The following PCDH15 variants were observed in gnomAD, a reference collection of about 807,000 sequenced individuals.
PCDH15 encodes the protein protocadherin related 15, also known as protocadherin-15.
A neutral mutation model predicts 178.5 loss-of-function variants in PCDH15; 129 were observed. The observed-to-expected ratio is 0.72, with a 90% CI of 0.63 to 0.84. The LOEUF is 0.84. Ranked by LOEUF, PCDH15 falls within the 40% of genes least tolerant of loss-of-function variation. PCDH15 has a pLI of 0.00. For synonymous variants in PCDH15, 800 were observed against 732.0 expected (o/e 1.09, Z -1.50); for missense variants, 2,230 against 2,099.9 (o/e 1.06, Z -1.21).
At chr10:54,160,812 T>C (rs1188509285) in intron 13 of PCDH15, among the ~76,000 whole-genome samples, 1 of 152,164 alleles carries the variant, frequency 6.6e-6, no homozygotes, top group Non-Finnish European at 1.5e-5. Context: ...GTATCTCAAA[T>C]TAATTTGTCA....
intron 23 of PCDH15, among the ~76,000 whole-genome samples, chr10:53,957,655 A>G (rs2087762522): frequency 6.6e-6 from 1 of 152,054 alleles, no homozygotes; most frequent in African/African-American, 2.4e-5. Context: ...TACAATTTAA[A>G]ACTTACGAAT....
chr10:55,185,455 A>T (rs1387852203), intron 1 of PCDH15, among the ~76,000 whole-genome samples: 1 of 151,834 alleles, frequency 6.6e-6, no homozygotes, highest in African/African-American at 2.4e-5. Context: ...TGAGTGCAAC[A>T]TCAAATAAGT....
Position 53,938,872 on chromosome 10 carries a change from G to C in PCDH15, c.3316C>G (p.Arg1106Gly). Residue 1106 changes from arginine to glycine, a missense_variant, in exon 25 of 38, where the codon CGA becomes GGA. Coordinates refer to ENST00000644397, the MANE Select transcript of PCDH15 (RefSeq NM_001384140.1). ...DYETRTSYVL[R>G]VQADSLEVVL... is the part of the protein sequence containing the mutation. Reference sequence around the variant, plus strand: ...ACTTCCAGGGAATCAGCTTGGACTCGAAGTACATAGCTTGTCCTGGTCTCA... The same window carrying C: ...ACTTCCAGGGAATCAGCTTGGACTCCAAGTACATAGCTTGTCCTGGTCTCA... 4 of 1,613,518 alleles carry C rather than the reference G, an allele frequency of 2.5e-6. No individual in the cohort carries two copies. The African/African-American group carries it at 5.3e-5, about 22-fold the overall frequency.
chr10:54,557,120 T>A (rs1323304164), intron 2 of PCDH15, among the ~76,000 whole-genome samples: 6 of 152,170 alleles, frequency 3.9e-5, no homozygotes, highest in Non-Finnish European at 7.4e-5. Context: ...ACAGCCAGAC[T>A]AGTGGGTAAT....
At chr10:54,250,103 T>A (rs2056345731) in intron 8 of PCDH15, among the ~76,000 whole-genome samples, 1 of 148,946 alleles carries the variant, frequency 6.7e-6, no homozygotes, top group Admixed American at 6.7e-5. Flanking sequence ...ATTATTGGTT[T>A]CACCATTTTG....
intron 5 of PCDH15, among the ~76,000 whole-genome samples, chr10:54,350,695 G>C (rs1944035577): frequency 6.6e-6 from 1 of 152,206 alleles, no homozygotes; most frequent in Non-Finnish European, 1.5e-5. Context: ...AAAAATAGTA[G>C]ATCCTGGCCA....
intron 1 of PCDH15, among the ~76,000 whole-genome samples, chr10:55,202,012 T>C (rs1409431690): frequency 2.0e-5 from 3 of 152,106 alleles, no homozygotes; most frequent in Non-Finnish European, 2.9e-5. Context: ...GTGTTTATGG[T>C]ATCACAGCTG....
chr10:53,806,648 T>C lies in PCDH15; in HGVS notation c.5154A>G (p.Thr1718=), dbSNP rs763336892. ...TCCAAAGCTCTTCATCATCAGACTG[T>C]GTGTGGTCACTATGAAATTCCAAAG... ...KEALEFHSDH[T]QSDDEELWMG... The change falls in exon 38 of 38, where the codon ACA becomes ACG. Residue 1718 remains threonine, a synonymous_variant. Coordinates refer to ENST00000644397, the MANE Select transcript of PCDH15 (RefSeq NM_001384140.1). 6.2e-7 allele frequency: 1 copy of C among 1,613,812 alleles called. No individual in the cohort carries two copies. The highest frequency in any genetic ancestry group is 8.5e-7 in the Non-Finnish European group (1 of 1,179,766).
At chr10:54,019,893 T>C (rs1226407686) in intron 20 of PCDH15, among the ~76,000 whole-genome samples, 1 of 152,090 alleles carries the variant, frequency 6.6e-6, no homozygotes, top group African/African-American at 2.4e-5. Flanking sequence ...GAATTTGAAC[T>C]AAAATCTAGT....
chr10:54,339,094 T>G (rs549430796), intron 6 of PCDH15, among the ~76,000 whole-genome samples: 1 of 152,334 alleles, frequency 6.6e-6, no homozygotes, highest in Non-Finnish European at 1.5e-5. Context: ...GTCTAACCCA[T>G]AGCCCACAGG....
chr10:55,365,527 C>T (rs570005784), intron 2 of PCDH15, among the ~76,000 whole-genome samples: 1 of 152,122 alleles, frequency 6.6e-6, no homozygotes, highest in East Asian at 1.9e-4. Flanking sequence ...TGTTCACACC[C>T]AAATCTCATC....
At chr10:53,905,147 C>T in intron 25 of PCDH15, 1 of 516,856 alleles carries the variant, frequency 1.9e-6, no homozygotes. Context: ...TCATTTTTCT[C>T]TCAACTCCAC....
chr10:54,986,649 G>A (rs184000452), intron 2 of PCDH15, among the ~76,000 whole-genome samples: 1 of 152,220 alleles, frequency 6.6e-6, no homozygotes, highest in African/African-American at 2.4e-5. Flanking sequence ...AAGCCACATG[G>A]ATAAAATGTG....
intron 1 of PCDH15, among the ~76,000 whole-genome samples, chr10:54,776,876 C>T (rs28379454): frequency 0.04 from 6,045 of 151,822 alleles, 425 homozygotes; most frequent in African/African-American, 0.14. Flanking sequence ...AGACTGGAGG[C>T]AATGTGAGAA....
intron 10 of PCDH15, among the ~76,000 whole-genome samples, chr10:54,199,570 C>CAAAAT (rs142287657): frequency 7.0e-6 from 1 of 142,540 alleles, no homozygotes; most frequent in Non-Finnish European, 1.5e-5. Context: ...ACAACAACAA[C>CAAAAT]AATAATAATA....
intron 2 of PCDH15, among the ~76,000 whole-genome samples, chr10:55,402,872 A>G (rs1838105399): frequency 6.6e-6 from 1 of 151,880 alleles, no homozygotes; most frequent in Admixed American, 6.6e-5. Flanking sequence ...TGGTAGTTCT[A>G]TTTTTAGATT....
At chr10:55,363,121 A>C (rs1270540869) in intron 2 of PCDH15, among the ~76,000 whole-genome samples, 1 of 152,178 alleles carries the variant, frequency 6.6e-6, no homozygotes, top group Admixed American at 6.5e-5. Context: ...TAACCATTTG[A>C]GATAGACTTC....
chr10:55,317,528 T>C (rs149200426), intron 1 of PCDH15, among the ~76,000 whole-genome samples: 142 of 152,102 alleles, frequency 9.3e-4, no homozygotes, highest in African/African-American at 2.6e-3. Context: ...AGGGTTATAG[T>C]CTATAATGAA....
intron 18 of PCDH15, among the ~76,000 whole-genome samples, chr10:54,036,474 A>G (rs2610831): frequency 0.023 from 2,422 of 103,804 alleles, 60 homozygotes; most frequent in African/African-American, 0.061. Context: ...TGATCAATAA[A>G]TGGAATAACA....
Sources: allele counts gnomAD v4.1 joint callset (sites outside exome capture counted in the v4.1 genomes callset), GRCh38; gene constraint gnomAD v4.1.1; transcripts MANE v1.5; gene names NCBI Gene and HGNC (gene_info 2026-07-23, HGNC 2026-07-21).